The following WASHC2C variants were observed in gnomAD, a reference collection of about 807,000 sequenced individuals.
The protein encoded by WASHC2C is WASH complex subunit 2C.
In WASHC2C, 73 loss-of-function variants were observed where a neutral mutation model predicts 142.2. The observed-to-expected ratio is 0.51, with a 90% CI of 0.43 to 0.62. The LOEUF (loss-of-function observed/expected upper bound fraction) is 0.62. Ranked by LOEUF, WASHC2C falls within the 20% of genes least tolerant of loss-of-function variation. WASHC2C has a pLI of 0.00. For missense variants in WASHC2C, 969 were observed against 1,531.7 expected (o/e 0.63, Z 6.13); for synonymous variants, 337 against 565.5 (o/e 0.60, Z 5.73).
At chr10:45,738,114 T>G in intron 4 of WASHC2C, 69 bp downstream of exon 4, 1 of 1,611,186 alleles carries the variant, frequency 6.2e-7, no homozygotes, top group Non-Finnish European at 8.5e-7. Context: ...CGATGTGTTA[T>G]GTGGGAACTG....
intron 23 of WASHC2C, among the ~76,000 whole-genome samples, chr10:45,779,373 G>C (rs1456340890): frequency 6.7e-6 from 1 of 149,174 alleles, no homozygotes; most frequent in Non-Finnish European, 1.5e-5. Context: ...TACAGACCTT[G>C]TTGTTCCTTC....
At chr10:45,788,415 G>A (rs1554891191) in intron 28 of WASHC2C, among the ~76,000 whole-genome samples, 2 of 152,126 alleles carry the variant, frequency 1.3e-5, no homozygotes, top group Admixed American at 1.3e-4. Flanking sequence ...GTTTCTCCCC[G>A]CTCCTGGAGC....
Position 45,790,660 on chromosome 10 carries a change from C to T in WASHC2C, c.3886+127C>T, listed in dbSNP as rs1456253378. On this transcript the variant is annotated intron_variant, in intron 30 of 30. Transcript: ENST00000623400. Reference sequence around the variant, plus strand: ...CCAGCGGGTTCACTTCAGTGTAATCCTGAGTTAGGCTGAAGATAGGTAAGA... The same window carrying T: ...CCAGCGGGTTCACTTCAGTGTAATCTTGAGTTAGGCTGAAGATAGGTAAGA... The T allele has an allele frequency of 5.2e-6, 4 of 763,808 alleles. No individual in the cohort carries two copies. In the East Asian group the frequency reaches 1.1e-4, roughly 20 times the overall value. 47.3% of individuals were successfully genotyped at this position (763,808 alleles called of 1,614,324 possible).
intron 3 of WASHC2C, among the ~76,000 whole-genome samples, chr10:45,734,082 A>G (rs187852440): frequency 0.025 from 3,854 of 152,076 alleles, 66 homozygotes; most frequent in East Asian, 0.051. Context: ...AAAATTAGCC[A>G]GGCGTGGTGG....
At chr10:45,767,656 CTT>C (rs1273374120) in intron 19 of WASHC2C, among the ~76,000 whole-genome samples, 3 of 143,506 alleles carry the variant, frequency 2.1e-5, no homozygotes, top group Non-Finnish European at 4.5e-5. Flanking sequence ...GGCGTCCAGT[CTT>C]TTGGCTTCCC....
intron 23 of WASHC2C, among the ~76,000 whole-genome samples, chr10:45,784,182 T>G (rs2057734753): frequency 6.8e-6 from 1 of 148,040 alleles, no homozygotes; most frequent in South Asian, 2.1e-4. Flanking sequence ...TATACGAAGT[T>G]TATATAATAT....
intron 3 of WASHC2C, among the ~76,000 whole-genome samples, chr10:45,736,189 T>C (rs139817333): frequency 0.063 from 9,346 of 147,186 alleles, 329 homozygotes; most frequent in South Asian, 0.14. Flanking sequence ...GGGCGAATCA[T>C]GAGGTCAGAT....
chr10:45,772,324 A>G (rs2056672347), intron 20 of WASHC2C, among the ~76,000 whole-genome samples: 1 of 151,994 alleles, frequency 6.6e-6, no homozygotes, highest in African/African-American at 2.4e-5. Flanking sequence ...TTGTAGTGAT[A>G]TTGCACAACT....
chr10:45,754,843 T>C (rs2054044248), intron 14 of WASHC2C, 93 bp from the exon 15 acceptor site: 1 of 1,494,814 alleles, frequency 6.7e-7, no homozygotes, highest in Admixed American at 2.0e-5. Context: ...TTAACTGAAA[T>C]GGAAAGTTTT....
intron 12 of WASHC2C, 105 bp from the exon 13 acceptor site, chr10:45,753,075 T>C: frequency 4.6e-6 from 4 of 860,944 alleles, no homozygotes; most frequent in Non-Finnish European, 6.8e-6. Context: ...GTAGTAAATA[T>C]GTAGCTTTAA....
At chr10:45,727,189 T>C (rs2049941834), upstream of WASHC2C, 1 of 1,463,510 alleles carries the variant, frequency 6.8e-7, no homozygotes, top group Non-Finnish European at 9.0e-7. Context: ...GTGCGGGTTC[T>C]GTCACGTGAC....
intron 21 of WASHC2C, 97 bp downstream of exon 21, chr10:45,773,455 G>A (rs1182034131): frequency 1.1e-5 from 7 of 618,974 alleles, no homozygotes; most frequent in African/African-American, 5.6e-5. Flanking sequence ...TAACCTTGGA[G>A]GCTGAGTCTT....
chr10:45,783,965 CCTGTGCCAGGTCTTTGGCCTGCAGTG>C (rs1370398421), intron 23 of WASHC2C, among the ~76,000 whole-genome samples: 2 of 151,948 alleles, frequency 1.3e-5, no homozygotes, highest in Admixed American at 1.3e-4. Context: ...TGTGGTCGCA[CCTGTGCCAGGTCTTTGGCCTGCAGTG>C]CTTACAGGTG....
intron 10 of WASHC2C, among the ~76,000 whole-genome samples, 154 bp downstream of exon 10, chr10:45,750,992 T>G (rs1478127259): frequency 6.6e-6 from 1 of 152,124 alleles, no homozygotes; most frequent in Non-Finnish European, 1.5e-5. Flanking sequence ...GCTTATTCCT[T>G]TTTTGGTTAA....
At chr10:45,742,836 G>A (rs2052284953) in intron 5 of WASHC2C, among the ~76,000 whole-genome samples, 1 of 151,562 alleles carries the variant, frequency 6.6e-6, no homozygotes, top group Non-Finnish European at 1.5e-5. Flanking sequence ...CCTTGGGGAG[G>A]GAGATTCTGT....
chr10:45,731,554 G>A (rs576986778), intron 3 of WASHC2C, among the ~76,000 whole-genome samples: 2 of 147,712 alleles, frequency 1.4e-5, no homozygotes, highest in East Asian at 2.0e-4. Context: ...GAGCCACTGC[G>A]CTCGGCCCTT....
chr10:45,734,118 G>A (rs1255694110), intron 3 of WASHC2C, among the ~76,000 whole-genome samples: 3 of 152,024 alleles, frequency 2.0e-5, no homozygotes, highest in African/African-American at 4.8e-5. Flanking sequence ...CCAGCTACTC[G>A]GGAGCCTGAG....
chr10:45,788,592 G>A (rs2573470), intron 28 of WASHC2C, among the ~76,000 whole-genome samples: 6 of 152,116 alleles, frequency 3.9e-5, no homozygotes, highest in East Asian at 1.9e-4. Context: ...AGCAACAGAT[G>A]AAACTTTTTG....
chr10:45,789,021 C>T lies in WASHC2C; in HGVS notation c.3238C>T (p.Arg1080Trp), dbSNP rs1303766027. The T allele has an allele frequency of 5.7e-4, 922 of 1,612,002 alleles. 4 individuals are homozygous for T. The African/African-American group carries it at 9.6e-3, about 17-fold the overall frequency. The change falls in exon 29 of 31, where the codon CGG becomes TGG. Residue 1080 changes from arginine (R) to tryptophan (W), a missense_variant. Transcript: ENST00000623400. ...TGGCGCCATTTCCCCAAATGGCCAT[C>T]GGCCACAGCTCAGAGCAGCCAGTGG... is the stretch of plus-strand genomic sequence containing the variant. ...ADGAISPNGH[R>W]PQLRAASGED...
Sources: gnomAD v4.1 joint callset for allele counts (sites outside exome capture counted in the v4.1 genomes callset) on GRCh38, gnomAD v4.1.1 for gene constraint, MANE v1.5 for transcripts, NCBI Gene and HGNC (gene_info 2026-07-23, HGNC 2026-07-21) for gene names.